The following PARD3B variants were observed in gnomAD, a reference collection of about 807,000 sequenced individuals.
The protein encoded by PARD3B is par-3 family cell polarity regulator beta.
A neutral mutation model predicts 130.2 loss-of-function variants in PARD3B; 103 were observed. That is an observed-to-expected ratio of 0.79 (90% CI 0.67 to 0.93). The LOEUF is 0.93. Ranked by LOEUF, PARD3B falls within the 40% of genes least tolerant of loss-of-function variation. The probability of loss-of-function intolerance (pLI) is 0.00; values close to 1 mark genes in which losing one functional copy is unlikely to be tolerated. For missense variants in PARD3B, 1,609 were observed against 1,499.2 expected (o/e 1.07, Z -1.21); for synonymous variants, 583 against 553.2 (o/e 1.05, Z -0.76).
intron 15 of PARD3B, among the ~76,000 whole-genome samples, chr2:205,198,971 T>A (rs372292417): frequency 3.9e-5 from 6 of 152,238 alleles, no homozygotes; most frequent in African/African-American, 1.4e-4. Flanking sequence ...GATACAACTT[T>A]GACTTAAAGA....
chr2:205,408,394 T>C (rs1006543691), intron 19 of PARD3B, among the ~76,000 whole-genome samples: 1 of 152,132 alleles, frequency 6.6e-6, no homozygotes, highest in African/African-American at 2.4e-5. Flanking sequence ...TATTTAATTA[T>C]GGAGGATTTT....
At chr2:205,538,473 A>G (rs201314711) in intron 21 of PARD3B, among the ~76,000 whole-genome samples, 3 of 26,030 alleles carry the variant, frequency 1.2e-4, no homozygotes, top group Non-Finnish European at 2.2e-4. Flanking sequence ...ACGTGTGTGT[A>G]CACACACACA....
At chr2:205,554,255 T>G (rs1046957347) in intron 22 of PARD3B, among the ~76,000 whole-genome samples, 2 of 151,698 alleles carry the variant, frequency 1.3e-5, no homozygotes, top group East Asian at 1.9e-4. Flanking sequence ...CAAGCAGAGT[T>G]TTTTTATCAA....
chr2:205,104,317 T>C, intron 4 of PARD3B, 109 bp from the exon 5 acceptor site: 2 of 707,202 alleles, frequency 2.8e-6, no homozygotes, highest in Non-Finnish European at 4.9e-6. Context: ...TAGAGCATAC[T>C]GTATATATCC....
chr2:205,135,513 C>A (rs2125657582), intron 10 of PARD3B, among the ~76,000 whole-genome samples: 1 of 152,018 alleles, frequency 6.6e-6, no homozygotes, highest in East Asian at 1.9e-4. Context: ...GTTTCATCTG[C>A]CTGGTTTTCC....
At chr2:205,191,881 T>C (rs2036418479) in intron 14 of PARD3B, among the ~76,000 whole-genome samples, 6 of 151,960 alleles carry the variant, frequency 3.9e-5, no homozygotes, top group Admixed American at 3.9e-4. Context: ...GGAGATGAGG[T>C]CTACCTTTGT....
At chr2:205,445,296 A>G (rs771034118) in intron 20 of PARD3B, among the ~76,000 whole-genome samples, 8 of 152,284 alleles carry the variant, frequency 5.3e-5, no homozygotes, top group African/African-American at 1.7e-4. Flanking sequence ...TGACGAATGT[A>G]TTAGTCCATT....
chr2:205,304,039 G>T (rs529192438), intron 18 of PARD3B, among the ~76,000 whole-genome samples: 1 of 152,170 alleles, frequency 6.6e-6, no homozygotes, highest in Non-Finnish European at 1.5e-5. Flanking sequence ...AGAATGCTGC[G>T]TGTATTTATT....
rs149087603 is a variant in PARD3B, at chr2:204,631,636, A to G, written c.121-54545A>G. Among the ~76,000 whole-genome samples the G allele has an allele frequency of 8.7e-3, 1,329 of 152,252 alleles. 17 individuals are homozygous for G. Among genetic ancestry groups the G allele is most frequent in the African/African-American group, 0.031 (1,271 of 41,560 alleles). ...CATTTAAGGTTAGTATTGTTATCCT[A>G]TCATCATGGTGCTAGCTGCTGGTTA... On this transcript the variant is annotated intron_variant, in intron 1 of 22. Transcript: ENST00000406610.
chr2:205,399,740 C>T (rs849249), intron 18 of PARD3B, among the ~76,000 whole-genome samples: 138,571 of 152,228 alleles, frequency 0.91, 64,240 homozygotes, highest in East Asian at 0.99. Context: ...AGCATCATAA[C>T]TGCCACTGTG....
intron 2 of PARD3B, among the ~76,000 whole-genome samples, chr2:204,854,944 G>C (rs1333144164): frequency 6.6e-6 from 1 of 152,084 alleles, no homozygotes; most frequent in Non-Finnish European, 1.5e-5. Flanking sequence ...GGGTCTCCAA[G>C]CAAAAAGGAC....
chr2:205,264,740 T>C (rs2040440614), intron 16 of PARD3B, among the ~76,000 whole-genome samples: 2 of 151,156 alleles, frequency 1.3e-5, no homozygotes, highest in Non-Finnish European at 3.0e-5. Context: ...AAAAATAAAT[T>C]TTGAATAAAT....
intron 8 of PARD3B, among the ~76,000 whole-genome samples, chr2:205,123,415 A>G (rs942204518): frequency 2.6e-5 from 4 of 152,142 alleles, no homozygotes; most frequent in African/African-American, 9.7e-5. Flanking sequence ...GCTGATATCA[A>G]AAAGAGACAT....
chr2:205,538,569 T>G (rs1030306563), intron 21 of PARD3B, among the ~76,000 whole-genome samples: 5 of 152,164 alleles, frequency 3.3e-5, no homozygotes, highest in African/African-American at 1.2e-4. Context: ...AAAAAGACAC[T>G]TTCATAAGAG....
chr2:204,964,437 A>G (rs1691036769), intron 2 of PARD3B, among the ~76,000 whole-genome samples: 1 of 152,206 alleles, frequency 6.6e-6, no homozygotes, highest in Non-Finnish European at 1.5e-5. Context: ...ATTAACAGTA[A>G]AAAGCATAGT....
chr2:205,526,459 A>C (rs2106415749), intron 21 of PARD3B, among the ~76,000 whole-genome samples: 1 of 152,324 alleles, frequency 6.6e-6, no homozygotes, highest in South Asian at 2.1e-4. Context: ...TATACCCAGA[A>C]GTATGCCAGC....
intron 3 of PARD3B, among the ~76,000 whole-genome samples, chr2:205,034,855 T>A (rs567300486): frequency 6.6e-6 from 1 of 152,006 alleles, no homozygotes; most frequent in Non-Finnish European, 1.5e-5. Flanking sequence ...GTGTTCTTTT[T>A]TTGTTGTTGT....
In PARD3B at chr2:204,717,278, A is replaced by T. The variant is rs541419449; in HGVS notation, c.222+30996A>T. 1.6e-4 allele frequency among the ~76,000 whole-genome samples: 24 copies of T among 152,342 alleles called. No individual in the cohort carries two copies. The East Asian group carries it at 4.4e-3, about 28-fold the overall frequency. The stretch of plus-strand genomic sequence containing the variant: ...CTAAGAATTTTGGCTTAATATTAAA[A>T]TATTTTTAACTCTTTTAAGTCCAAG... On this transcript the variant is annotated intron_variant, in intron 2 of 22. Transcript: ENST00000406610.
Position 205,025,495 on chromosome 2 carries a change from G to T in PARD3B, c.395-22086G>T, listed in dbSNP as rs974114278. On this transcript the variant is annotated intron_variant, in intron 3 of 22. Coordinates refer to ENST00000406610, the MANE Select transcript of PARD3B (RefSeq NM_001302769.2). Reference sequence around the variant, plus strand: ...CACAGTGAGTCCCAATTAGACAAATGAATTTTGTGTTGTTTTCTTTCTGAA... The same window carrying T: ...CACAGTGAGTCCCAATTAGACAAATTAATTTTGTGTTGTTTTCTTTCTGAA... Among the ~76,000 whole-genome samples the T allele has an allele frequency of 7.9e-5, 12 of 152,254 alleles. No individual in the cohort carries two copies. The East Asian group carries it at 1.2e-3, about 15-fold the overall frequency.
Sources: allele counts gnomAD v4.1 joint callset (sites outside exome capture counted in the v4.1 genomes callset), GRCh38; gene constraint gnomAD v4.1.1; transcripts MANE v1.5; gene names NCBI Gene and HGNC (gene_info 2026-07-23, HGNC 2026-07-21).